Variants in PLCB4 observed in about 807,000 individuals in gnomAD.
PLCB4 encodes the protein 1-phosphatidylinositol 4,5-bisphosphate phosphodiesterase beta-4.
Under a neutral mutation model 178.8 loss-of-function variants are expected in PLCB4, and 77 were observed. The ratio of observed to expected loss-of-function variants is 0.43; its 90% confidence interval spans 0.36 to 0.52. The LOEUF is 0.52. PLCB4 is among the 20% of genes least tolerant of loss of function. PLCB4 has a pLI of 0.00. For synonymous variants in PLCB4, 496 were observed against 490.8 expected (o/e 1.01, Z -0.14); for missense variants, 1,024 against 1,453.4 (o/e 0.70, Z 4.80).
chr20:9,119,772 C>T (rs1451038682), intron 2 of PLCB4, among the ~76,000 whole-genome samples: 4 of 152,202 alleles, frequency 2.6e-5, no homozygotes, highest in African/African-American at 4.8e-5. Context: ...TTACGCAGTA[C>T]GGTAAGTTTT....
Position 9,405,324 on chromosome 20 carries a change from C to A in PLCB4, c.1623C>A (p.Asp541Glu). The change falls in exon 21 of 40, where the codon GAC becomes GAA. Residue 541 changes from aspartate to glutamate, a missense_variant. Asp to Glu is a conservative substitution (Grantham distance 45, BLOSUM62 2). This residue lies in a region of PLCB4 where 263 missense variants were observed against 417.4 expected (regional missense o/e 0.63). Transcript: ENST00000378473. ...VANSVKKASDDLEHENNKKGL... is the reference protein window; with the variant it reads ...VANSVKKASDELEHENNKKGL... ...CTTTCTCTAATTAGGCTTCAGATGA[C>A]CTTGAACATGAAAACAACAAAAAGG... The A allele has an allele frequency of 6.5e-7, 1 of 1,547,368 alleles. No homozygotes were observed. Among genetic ancestry groups the A allele is most frequent in the Non-Finnish European group, 8.8e-7 (1 of 1,138,650 alleles).
intron 3 of PLCB4, among the ~76,000 whole-genome samples, chr20:9,254,222 CTG>C (rs1179842057): frequency 1.3e-5 from 2 of 152,142 alleles, no homozygotes; most frequent in African/African-American, 2.4e-5. Context: ...TAAAAAATAA[CTG>C]TTTTTATTTG....
chr20:9,405,372 A>C, intron 21 of PLCB4, 24 bp downstream of exon 21: 1 of 1,429,226 alleles, frequency 7.0e-7, no homozygotes, highest in Non-Finnish European at 9.6e-7. Flanking sequence ...TCCCTTGCAC[A>C]TTTTAAATCA....
At position 9,380,062 on chromosome 20, in the gene PLCB4, A is replaced by G. The variant is rs1425421527; in HGVS notation, c.753A>G (p.Arg251=). 2 of 1,566,494 alleles carry G rather than the reference A, an allele frequency of 1.3e-6. No homozygotes were observed. Among genetic ancestry groups the G allele is most frequent in the Non-Finnish European group, 1.8e-6 (2 of 1,142,250 alleles). The change falls in exon 13 of 40, where the codon CGA becomes CGG. Residue 251 remains arginine, a synonymous_variant. Coordinates refer to ENST00000378473, the MANE Select transcript of PLCB4 (RefSeq NM_001377142.1). The part of the protein sequence containing the change: ...QLVSFLNEHQ[R]DPRLNEILFP... ...TTATTTTCTTATCATAGCATCAACG[A>G]GATCCTCGATTGAATGAAATTTTAT...
At chr20:9,217,595 G>A (rs1003687895) in intron 3 of PLCB4, 143 bp downstream of exon 3, 9 of 152,108 alleles carry the variant, frequency 5.9e-5, no homozygotes, top group African/African-American at 2.2e-4. Context: ...TCCTTGATGC[G>A]GCAGAGCATT....
intron 28 of PLCB4, among the ~76,000 whole-genome samples, chr20:9,428,798 C>T (rs966793654): frequency 3.9e-5 from 6 of 152,074 alleles, no homozygotes; most frequent in Admixed American, 3.9e-4. Flanking sequence ...ATGGGCAGTG[C>T]TCACCACTGA....
chr20:9,372,743 A>G (rs1292746719), intron 11 of PLCB4, among the ~76,000 whole-genome samples: 3 of 152,156 alleles, frequency 2.0e-5, no homozygotes, highest in African/African-American at 7.2e-5. Context: ...GATTCATTCC[A>G]ATTATTTCAA....
chr20:9,348,792 G>A (rs2034057946), intron 7 of PLCB4, among the ~76,000 whole-genome samples: 1 of 152,166 alleles, frequency 6.6e-6, no homozygotes, highest in Non-Finnish European at 1.5e-5. Flanking sequence ...GATATTTGCT[G>A]TTGTTTTCGG....
At chr20:9,464,812 T>C (rs2043653996) in intron 35 of PLCB4, among the ~76,000 whole-genome samples, 1 of 151,876 alleles carries the variant, frequency 6.6e-6, no homozygotes, top group Non-Finnish European at 1.5e-5. Flanking sequence ...TCAAAAAAAG[T>C]CCAGGACCAG....
intron 4 of PLCB4, among the ~76,000 whole-genome samples, chr20:9,329,504 G>C (rs1297924785): frequency 6.6e-6 from 1 of 152,148 alleles, no homozygotes; most frequent in African/African-American, 2.4e-5. Context: ...CATATTACTA[G>C]GTGCCACAGG....
intron 27 of PLCB4, among the ~76,000 whole-genome samples, chr20:9,422,097 G>A (rs1186228720): frequency 1.3e-5 from 2 of 152,076 alleles, no homozygotes; most frequent in Admixed American, 6.6e-5. Context: ...TCCGCACACC[G>A]GCAGTGCTGT....
intron 36 of PLCB4, among the ~76,000 whole-genome samples, chr20:9,471,147 T>G (rs1164573416): frequency 6.6e-6 from 1 of 152,156 alleles, no homozygotes; most frequent in Non-Finnish European, 1.5e-5. Flanking sequence ...TAGAGGGTAG[T>G]TAAAGTGATA....
intron 27 of PLCB4, among the ~76,000 whole-genome samples, chr20:9,423,358 A>G (rs1340088572): frequency 6.6e-6 from 1 of 152,256 alleles, no homozygotes; most frequent in Non-Finnish European, 1.5e-5. Context: ...GCAATATGCC[A>G]GATATTAGAT....
intron 2 of PLCB4, among the ~76,000 whole-genome samples, chr20:9,194,351 A>AT (rs574671874): frequency 6.6e-5 from 10 of 151,248 alleles, no homozygotes; most frequent in South Asian, 2.1e-4. Context: ...TTTTAGCTAC[A>AT]TTTTTTTTTC....
intron 4 of PLCB4, among the ~76,000 whole-genome samples, chr20:9,316,576 T>C (rs1353530693): frequency 6.6e-6 from 1 of 152,220 alleles, no homozygotes; most frequent in Admixed American, 6.5e-5. Context: ...TTAATATCTC[T>C]GTGCCAGAAA....
At chr20:9,275,277 G>A (rs139935745) in intron 3 of PLCB4, among the ~76,000 whole-genome samples, 197 of 152,082 alleles carry the variant, frequency 1.3e-3, no homozygotes, top group Middle Eastern at 3.4e-3. Context: ...ATCAGATCTC[G>A]CAAGACTTAT....
intron 1 of PLCB4, among the ~76,000 whole-genome samples, chr20:9,073,983 T>C (rs981964594): frequency 2.6e-5 from 4 of 152,120 alleles, no homozygotes; most frequent in Admixed American, 6.5e-5. Flanking sequence ...GCGAAGACCA[T>C]GTGCTCGAGA....
intron 2 of PLCB4, among the ~76,000 whole-genome samples, chr20:9,114,164 A>T (rs1310475797): frequency 6.6e-6 from 1 of 152,184 alleles, no homozygotes; most frequent in East Asian, 1.9e-4. Context: ...TAGTGAGCTG[A>T]GATCATGCCA....
At chr20:9,427,228 A>C (rs963595119) in intron 28 of PLCB4, among the ~76,000 whole-genome samples, 7 of 152,090 alleles carry the variant, frequency 4.6e-5, no homozygotes, top group African/African-American at 1.2e-4. Context: ...CTGTCTCCAA[A>C]AACAACAACA....
Sources: allele counts gnomAD v4.1 joint callset (sites outside exome capture counted in the v4.1 genomes callset), GRCh38; gene constraint gnomAD v4.1.1; regional missense constraint gnomAD v4.1.1; transcripts MANE v1.5; gene names NCBI Gene and HGNC (gene_info 2026-07-23, HGNC 2026-07-21).